Variants in RIMS2 observed in about 807,000 individuals in gnomAD.
RIMS2 encodes the protein regulating synaptic membrane exocytosis protein 2.
A neutral mutation model predicts 174.4 loss-of-function variants in RIMS2; 59 were observed. The observed-to-expected ratio is 0.34, with a 90% CI of 0.27 to 0.42. The LOEUF (loss-of-function observed/expected upper bound fraction) is 0.42, where lower values mean the gene tolerates loss of function less well. Ranked by LOEUF, RIMS2 falls within the 10% of genes least tolerant of loss-of-function variation. The pLI, the probability that RIMS2 is intolerant of heterozygous loss-of-function variation, is 1.00. For synonymous variants in RIMS2, 606 were observed against 572.5 expected, an observed-to-expected ratio of 1.06 and a Z score of -0.84; for missense variants, 1,620 against 1,666.3, an observed-to-expected ratio of 0.97 and a Z score of 0.48.
At chr8:104,202,368 A>T (rs1314249796) in intron 19 of RIMS2, among the ~76,000 whole-genome samples, 8 of 152,238 alleles carry the variant, frequency 5.3e-5, no homozygotes, top group Non-Finnish European at 1.2e-4. Context: ...CTTAGAATAG[A>T]TCTAAATAAT....
At chr8:103,961,159 G>A (rs755049474) in intron 15 of RIMS2, 26 bp downstream of exon 17, 7 of 974,236 alleles carry the variant, frequency 7.2e-6, no homozygotes, top group Non-Finnish European at 1.2e-5. Flanking sequence ...TTATTTTATA[G>A]TATTAAAAAG....
chr8:104,185,093 T>G lies in RIMS2; in HGVS notation c.3335-59823T>G, dbSNP rs1023420094. Among the ~76,000 whole-genome samples the G allele has an allele frequency of 5.3e-5, 8 of 151,554 alleles. No individual in the cohort carries two copies. The Admixed American group carries it at 5.3e-4, about 10-fold the overall frequency. ...AGCATAATTGCCTTGATTATATCTT[T>G]TTATTCTTATGAATAAATGAAACTG... On this transcript the variant is annotated intron_variant, in intron 19 of 23. Coordinates refer to ENST00000504942, the Ensembl canonical transcript of RIMS2.
chr8:103,572,116 G>A (rs28754823), intron 1 of RIMS2, among the ~76,000 whole-genome samples: 27,645 of 151,994 alleles, frequency 0.18, 2,759 homozygotes, highest in African/African-American at 0.26. Context: ...AGTGTCTGGA[G>A]TTTCTTCCTT....
intron 2 of RIMS2, among the ~76,000 whole-genome samples, chr8:103,732,887 T>C (rs1486122338): frequency 1.3e-5 from 2 of 152,158 alleles, no homozygotes; most frequent in African/African-American, 4.8e-5. Context: ...GAGTGAAGGC[T>C]TGGAAGTGGG....
chr8:103,529,443 C>A (rs1455544621), intron 1 of RIMS2, among the ~76,000 whole-genome samples: 1 of 152,220 alleles, frequency 6.6e-6, no homozygotes, highest in Non-Finnish European at 1.5e-5. Flanking sequence ...GGGATATAAT[C>A]TCCTGGTGTG....
At chr8:103,576,208 C>G (rs1563845162) in intron 1 of RIMS2, among the ~76,000 whole-genome samples, 1 of 152,200 alleles carries the variant, frequency 6.6e-6, no homozygotes, top group African/African-American at 2.4e-5. Flanking sequence ...GGGTGGCACT[C>G]TGAATATTTA....
At position 103,989,370 on chromosome 8, in the gene RIMS2, G is replaced by A. The variant is rs747545747; in HGVS notation, c.2993G>A (p.Arg998Gln). The change falls in exon 17 of 24, where the codon CGA becomes CAA. Residue 998 changes from arginine to glutamine, a missense_variant. By Grantham distance (43) the Arg-to-Gln change is conservative (BLOSUM62 1). Coordinates refer to ENST00000504942, the Ensembl canonical transcript of RIMS2. ...ACCGGACATTATAATACAATTAGCC[G>A]AATGGACAGACATCGTGTCATGGAT... is the stretch of plus-strand genomic sequence containing the variant. The A allele has an allele frequency of 4.1e-5, 66 of 1,613,232 alleles. 1 individual carries two copies. In the South Asian group the frequency reaches 6.6e-4, roughly 16 times the overall value.
intron 19 of RIMS2, among the ~76,000 whole-genome samples, chr8:104,106,037 CAAAAAAAAAAAAAA>C (rs575916023): frequency 1.8e-5 from 1 of 56,914 alleles, no homozygotes; most frequent in Non-Finnish European, 3.4e-5. Context: ...GACTCTGCCA[CAAAAAAAAAAAAAA>C]AAAAAAAAAA....
intron 2 of RIMS2, among the ~76,000 whole-genome samples, chr8:103,698,620 T>A (rs1211569204): frequency 1.3e-5 from 2 of 152,176 alleles, no homozygotes; most frequent in African/African-American, 4.8e-5. Flanking sequence ...ATCTCTTTTA[T>A]ATATTAATGG....
intron 3 of RIMS2, among the ~76,000 whole-genome samples, chr8:103,812,688 A>G (rs1012471836): frequency 4.0e-5 from 6 of 151,670 alleles, no homozygotes; most frequent in African/African-American, 1.5e-4. Context: ...GGCCCAAATT[A>G]CCTTTTTTGA....
intron 1 of RIMS2, among the ~76,000 whole-genome samples, chr8:103,604,763 T>C (rs1045903313): frequency 1.7e-5 from 2 of 121,006 alleles, no homozygotes; most frequent in African/African-American, 7.0e-5. Flanking sequence ...TTGAAGCAAG[T>C]GTGAATGGGA....
intron 19 of RIMS2, among the ~76,000 whole-genome samples, chr8:104,159,855 C>G (rs2098750136): frequency 6.6e-6 from 1 of 152,066 alleles, no homozygotes; most frequent in African/African-American, 2.4e-5. Context: ...TAAGAGTCAT[C>G]TGACTGGGCA....
chr8:104,178,012 C>T (rs1054095239), intron 19 of RIMS2, among the ~76,000 whole-genome samples: 2 of 152,088 alleles, frequency 1.3e-5, no homozygotes, highest in African/African-American at 4.8e-5. Flanking sequence ...GAGCTAGAGT[C>T]TAGGAGACTC....
chr8:103,977,557 C>T (rs1429404580), intron 16 of RIMS2: 3 of 152,278 alleles, frequency 2.0e-5, no homozygotes, highest in South Asian at 2.1e-4. Context: ...CCACACCAAG[C>T]GACTTGCCAG....
chr8:103,795,891 C>T (rs1246571472), intron 3 of RIMS2, among the ~76,000 whole-genome samples: 1 of 152,166 alleles, frequency 6.6e-6, no homozygotes, highest in Admixed American at 6.5e-5. Context: ...TTGTGTTCCA[C>T]AAATATTTCA....
chr8:104,190,328 T>A (rs2136328153), intron 19 of RIMS2, among the ~76,000 whole-genome samples: 1 of 152,056 alleles, frequency 6.6e-6, no homozygotes, highest in South Asian at 2.1e-4. Flanking sequence ...TAATTAAAAA[T>A]AAAAAGATAA....
chr8:104,053,507 T>C (rs1256463876), intron 19 of RIMS2, among the ~76,000 whole-genome samples: 1 of 152,162 alleles, frequency 6.6e-6, no homozygotes, highest in Admixed American at 6.6e-5. Context: ...TTTAGAGTAG[T>C]TGAGGAAGGA....
chr8:103,589,179 A>G (rs892693690), intron 1 of RIMS2, among the ~76,000 whole-genome samples: 1 of 151,674 alleles, frequency 6.6e-6, no homozygotes, highest in Non-Finnish European at 1.5e-5. Flanking sequence ...GAAAACTATT[A>G]GAACTGATAA....
chr8:103,551,817 A>G (rs1317251215), intron 1 of RIMS2, among the ~76,000 whole-genome samples: 2 of 152,190 alleles, frequency 1.3e-5, no homozygotes, highest in East Asian at 3.9e-4. Flanking sequence ...ACAGACAAAC[A>G]GAGAGCCAAA....
Sources: allele counts gnomAD v4.1 joint callset (sites outside exome capture counted in the v4.1 genomes callset), GRCh38; gene constraint gnomAD v4.1.1; transcripts MANE v1.5; gene names NCBI Gene and HGNC (gene_info 2026-07-23, HGNC 2026-07-21).